The following IL31RA variants were observed in gnomAD, a reference collection of about 807,000 sequenced individuals.
The protein encoded by IL31RA is interleukin 31 receptor A, also known as interleukin-31 receptor subunit alpha.
IL31RA carries 66 observed loss-of-function variants against 83.7 expected under a neutral mutation model. The ratio of observed to expected loss-of-function variants is 0.79; its 90% CI spans 0.65 to 0.97. The LOEUF (loss-of-function observed/expected upper bound fraction) is 0.97, where lower values mean the gene tolerates loss of function less well. IL31RA is among the 50% of genes least tolerant of loss of function. The pLI, the probability that IL31RA is intolerant of heterozygous loss-of-function variation, is 0.00. For synonymous variants in IL31RA, 325 were observed against 329.0 expected (o/e 0.99, Z 0.13); for missense variants, 798 against 919.4 (o/e 0.87, Z 1.71).
At position 55,906,147 on chromosome 5, in the gene IL31RA, G is replaced by C; in HGVS notation, c.1111G>C (p.Asp371His). ...IEVMQACVAE[D>H]QLVVKWQSSA... The stretch of plus-strand genomic sequence containing the variant: ...GGTCATGCAGGCCTGCGTTGCTGAG[G>C]ACCAGCTAGTGGTGAAGTGGCAAAG... Residue 371 changes from aspartate (D) to histidine (H), a missense_variant, in exon 9 of 15, where the codon GAC becomes CAC. Coordinates refer to ENST00000652347, the MANE Select transcript of IL31RA (RefSeq NM_139017.7). 1.2e-6 allele frequency: 2 copies of C among 1,613,760 alleles called. No individual in the cohort carries two copies. The highest frequency in any genetic ancestry group is 8.5e-7 in the Non-Finnish European group (1 of 1,180,010).
At chr5:55,904,342 G>A (rs145408854) in intron 8 of IL31RA, among the ~76,000 whole-genome samples, 8 of 152,280 alleles carry the variant, frequency 5.3e-5, no homozygotes, top group Non-Finnish European at 8.8e-5. Context: ...GAAGGAAGCT[G>A]AGTGGGTCTG....
At chr5:55,867,163 G>GCA (rs1162124130) in intron 2 of IL31RA, among the ~76,000 whole-genome samples, 117 of 73,824 alleles carry the variant, frequency 1.6e-3, no homozygotes, top group African/African-American at 5.7e-3. Flanking sequence ...GTGTTTGTGT[G>GCA]TGTGCATGTG....
intron 6 of IL31RA, among the ~76,000 whole-genome samples, chr5:55,891,769 T>A (rs967714997): frequency 9.1e-6 from 1 of 109,650 alleles, no homozygotes; most frequent in South Asian, 3.8e-4. Flanking sequence ...AGATTTTTTT[T>A]TTTTTTTTTT....
chr5:55,907,239 G>C (rs1177874308), intron 9 of IL31RA, 120 bp from the exon 10 acceptor site: 3 of 697,416 alleles, frequency 4.3e-6, no homozygotes, highest in African/African-American at 1.8e-5. Flanking sequence ...ATTTTCCAGA[G>C]GTGGAAACTG....
intron 4 of IL31RA, among the ~76,000 whole-genome samples, chr5:55,876,902 T>A (rs1008536348): frequency 5.0e-4 from 76 of 151,706 alleles, no homozygotes; most frequent in Non-Finnish European, 7.5e-4. Context: ...GCCAGTTGGA[T>A]TTTTTTTTCT....
Position 55,914,935 on chromosome 5 carries a change from T to G in IL31RA, c.1818+7T>G. On this transcript the variant is annotated splice_region_variant and intron_variant, in intron 14 of 14. Transcript: ENST00000652347. The stretch of plus-strand genomic sequence containing the variant: ...GCATGGAGATGATTTCAAGGTAAAC[T>G]CTCCTGTTTTTATTAAGGAAATCAT... 4.4e-6 allele frequency: 7 copies of G among 1,597,906 alleles called. No individual in the cohort carries two copies. Among genetic ancestry groups the G allele is most frequent in the South Asian group, 1.1e-5 (1 of 90,726 alleles).
the IL31RA span, among the ~76,000 whole-genome samples, chr5:55,843,901 T>G: frequency 6.6e-6 from 1 of 152,222 alleles, no homozygotes; most frequent in Non-Finnish European, 1.5e-5. Flanking sequence ...TGTTTGTGTA[T>G]GTAAAATGCA....
At chr5:55,881,441 T>C (rs1161703923) in intron 4 of IL31RA, among the ~76,000 whole-genome samples, 1 of 152,170 alleles carries the variant, frequency 6.6e-6, no homozygotes, top group Non-Finnish European at 1.5e-5. Flanking sequence ...CCTTGGACTT[T>C]TCTGCGCCTT....
chr5:55,880,189 T>C (rs1442389665), intron 4 of IL31RA, among the ~76,000 whole-genome samples: 2 of 152,248 alleles, frequency 1.3e-5, no homozygotes, highest in Non-Finnish European at 2.9e-5. Context: ...ATATGTCTAT[T>C]GTATACAGCT....
At chr5:55,873,895 C>A (rs1263029128) in intron 4 of IL31RA, among the ~76,000 whole-genome samples, 2 of 151,860 alleles carry the variant, frequency 1.3e-5, no homozygotes, top group Non-Finnish European at 2.9e-5. Context: ...TATATGAAGT[C>A]AAAAATGTAT....
At chr5:55,844,859 G>A in the IL31RA span, among the ~76,000 whole-genome samples, 1 of 151,870 alleles carries the variant, frequency 6.6e-6, no homozygotes, top group Admixed American at 6.6e-5. Flanking sequence ...AAATCCTCAA[G>A]CTCAGAAATT....
chr5:55,886,268 CTTTTTTTTTTT>C (rs35481013), intron 5 of IL31RA, among the ~76,000 whole-genome samples: 1 of 71,510 alleles, frequency 1.4e-5, no homozygotes, highest in African/African-American at 7.3e-5. Context: ...TGCTTGCTTG[CTTTTTTTTTTT>C]TTTTTTTTTT....
chr5:55,893,147 G>A (rs1035558122), intron 6 of IL31RA, among the ~76,000 whole-genome samples: 1 of 152,090 alleles, frequency 6.6e-6, no homozygotes, highest in Non-Finnish European at 1.5e-5. Context: ...CCTATATTTA[G>A]GCATTTAAAT....
chr5:55,879,379 G>A (rs1747049507), intron 4 of IL31RA, among the ~76,000 whole-genome samples: 1 of 141,404 alleles, frequency 7.1e-6, no homozygotes, highest in Non-Finnish European at 1.5e-5. Flanking sequence ...TAAACCTTGG[G>A]TTGATTTCCA....
At chr5:55,862,451 T>C (rs574890353) in intron 2 of IL31RA, among the ~76,000 whole-genome samples, 2 of 152,244 alleles carry the variant, frequency 1.3e-5, no homozygotes, top group South Asian at 2.1e-4. Flanking sequence ...TCGCCCTGGC[T>C]GGAGTGGAGT....
upstream of IL31RA, among the ~76,000 whole-genome samples, chr5:55,848,749 G>A (rs558454255): frequency 6.6e-6 from 1 of 152,280 alleles, no homozygotes; most frequent in Admixed American, 6.5e-5. Context: ...AACAAGGTGT[G>A]AGATGGGGGG....
In IL31RA at chr5:55,921,105, CCA is replaced by C. The variant is rs1750069575; in HGVS notation, c.*3992_*3993del. The stretch of plus-strand genomic sequence containing the variant: ...CTGAACTACCCTCTGCCTTCTAGAT[CCA>C]CACACAGTGTTCACATGGGTGAGAC... On this transcript the variant is annotated 3_prime_UTR_variant, in exon 15 of 15. Transcript: ENST00000652347. Among the ~76,000 whole-genome samples, 2 of 152,234 alleles carry C rather than the reference CCA, an allele frequency of 1.3e-5. No individual in the cohort carries two copies. The highest frequency in any genetic ancestry group is 2.9e-5 in the Non-Finnish European group (2 of 68,042).
chr5:55,884,072 A>G lies in IL31RA; in HGVS notation c.606+877A>G, dbSNP rs140713206. Among the ~76,000 whole-genome samples the G allele has an allele frequency of 4.6e-4, 70 of 151,950 alleles. 2 individuals carry two copies. In the East Asian group the frequency reaches 0.013, roughly 29 times the overall value. On this transcript the variant is annotated intron_variant, in intron 5 of 14. Coordinates refer to ENST00000652347, the MANE Select transcript of IL31RA (RefSeq NM_139017.7). ...TTTCACATGTTTATTGGCCCTTTGG[A>G]TTCCTTCTTCTGGAAGCGCTGATTT...
chr5:55,890,070 C>A lies in IL31RA; in HGVS notation c.707C>A (p.Ala236Glu). The A allele has an allele frequency of 1.9e-6, 3 of 1,613,796 alleles. No individual in the cohort carries two copies. The highest frequency in any genetic ancestry group is 2.5e-6 in the Non-Finnish European group (3 of 1,179,800). The stretch of plus-strand genomic sequence containing the variant: ...GAATATGTCATAGCTCTGCGATGTG[C>A]GGTCAAGGAGTCAAAGTTCTGGAGT... Reference protein sequence around the residue: ...FTEYVIALRCAVKESKFWSDW... With the variant: ...FTEYVIALRCEVKESKFWSDW... The change falls in exon 6 of 15, where the codon GCG becomes GAG. Residue 236 changes from alanine (A) to glutamate (E), a missense_variant. By Grantham distance (107) the Ala-to-Glu change is moderately radical. Transcript: ENST00000652347.
Sources: allele counts gnomAD v4.1 joint callset (sites outside exome capture counted in the v4.1 genomes callset), GRCh38; gene constraint gnomAD v4.1.1; transcripts MANE v1.5; gene names NCBI Gene and HGNC (gene_info 2026-07-23, HGNC 2026-07-21).